Variants in STARD13 observed in about 807,000 individuals in gnomAD.
The protein encoded by STARD13 is StAR related lipid transfer domain containing 13.
STARD13 carries 62 observed loss-of-function variants against 106.4 expected under a neutral mutation model. That is an observed-to-expected ratio of 0.58 (90% CI 0.48 to 0.72). STARD13 has a LOEUF of 0.72. Among genes scored for constraint, STARD13 ranks in the 30% least tolerant of loss-of-function variants. The pLI is 0.00. For synonymous variants in STARD13, 565 were observed against 553.0 expected (o/e 1.02, Z -0.31); for missense variants, 1,387 against 1,424.0 (o/e 0.97, Z 0.42).
At chr13:33,403,831 CA>C in the STARD13 span, among the ~76,000 whole-genome samples, 1 of 152,146 alleles carries the variant, frequency 6.6e-6, no homozygotes, top group Admixed American at 6.6e-5. Context: ...TCCACAATGG[CA>C]ATCAAAATAC....
At chr13:33,482,051 A>T in the STARD13 span, among the ~76,000 whole-genome samples, 9 of 152,160 alleles carry the variant, frequency 5.9e-5, no homozygotes, top group African/African-American at 1.9e-4. Flanking sequence ...GATACTAAAA[A>T]TTATTGATAA....
chr13:33,603,720 C>T, the STARD13 span, among the ~76,000 whole-genome samples: 1 of 151,884 alleles, frequency 6.6e-6, no homozygotes, highest in Non-Finnish European at 1.5e-5. Flanking sequence ...GAAGTAAACA[C>T]ATTTTTGAAA....
the STARD13 span, among the ~76,000 whole-genome samples, chr13:33,440,656 C>T: frequency 1.3e-5 from 2 of 151,412 alleles, no homozygotes; most frequent in Admixed American, 1.3e-4. Flanking sequence ...TCCCTTCTCA[C>T]TTTGCACCTT....
chr13:33,450,091 AT>A, the STARD13 span, among the ~76,000 whole-genome samples: 2 of 152,106 alleles, frequency 1.3e-5, no homozygotes, highest in Non-Finnish European at 2.9e-5. Context: ...CTTCTACCTG[AT>A]TACTCTAGCT....
At chr13:33,124,363 A>G (rs1231687789) in intron 7 of STARD13, among the ~76,000 whole-genome samples, 1 of 152,240 alleles carries the variant, frequency 6.6e-6, no homozygotes, top group Non-Finnish European at 1.5e-5. Flanking sequence ...GGATTCTCCC[A>G]TGTGACTGAC....
At chr13:33,368,928 T>C in the STARD13 span, among the ~76,000 whole-genome samples, 1 of 152,070 alleles carries the variant, frequency 6.6e-6, no homozygotes, top group Non-Finnish European at 1.5e-5. Context: ...TATCCCCTAC[T>C]GGCATCTCTG....
At chr13:33,595,118 A>G in the STARD13 span, among the ~76,000 whole-genome samples, 1 of 152,240 alleles carries the variant, frequency 6.6e-6, no homozygotes, top group East Asian at 1.9e-4. Context: ...GACATTGAAC[A>G]AAAACATTTT....
intron 1 of STARD13, among the ~76,000 whole-genome samples, chr13:33,250,802 C>T (rs1890060240): frequency 6.6e-6 from 1 of 152,214 alleles, no homozygotes; most frequent in Admixed American, 6.5e-5. Flanking sequence ...CTTGCCCCTC[C>T]TCCCATGTTC....
chr13:33,392,194 T>C, the STARD13 span, among the ~76,000 whole-genome samples: 7 of 152,130 alleles, frequency 4.6e-5, no homozygotes, highest in Non-Finnish European at 1.0e-4. Context: ...CTCCACCTTG[T>C]TTTTCTTGCA....
intron 4 of STARD13, among the ~76,000 whole-genome samples, chr13:33,135,512 C>T (rs1878940957): frequency 6.6e-6 from 1 of 152,128 alleles, no homozygotes; most frequent in African/African-American, 2.4e-5. Context: ...GTACAGAATC[C>T]ACTGTTTCAC....
the STARD13 span, among the ~76,000 whole-genome samples, chr13:33,360,776 T>A: frequency 1.0e-5 from 1 of 99,778 alleles, no homozygotes; most frequent in African/African-American, 3.8e-5. Context: ...TGGGTCCACT[T>A]ATATGTGGAT....
the STARD13 span, among the ~76,000 whole-genome samples, chr13:33,585,093 A>AG: frequency 6.6e-6 from 1 of 152,238 alleles, no homozygotes; most frequent in Non-Finnish European, 1.5e-5. Context: ...ACTAATACAG[A>AG]GGGCTACTAT....
the STARD13 span, among the ~76,000 whole-genome samples, chr13:33,463,375 G>C: frequency 6.6e-6 from 1 of 152,152 alleles, no homozygotes; most frequent in East Asian, 1.9e-4. Context: ...TCTAGAAAAA[G>C]GTGATAACTT....
At chr13:33,403,164 C>G in the STARD13 span, among the ~76,000 whole-genome samples, 1 of 152,216 alleles carries the variant, frequency 6.6e-6, no homozygotes, top group Non-Finnish European at 1.5e-5. Context: ...CTGTACCTGC[C>G]CATCTGCGTG....
chr13:33,369,274 G>A, the STARD13 span, among the ~76,000 whole-genome samples: 20 of 151,744 alleles, frequency 1.3e-4, no homozygotes, highest in Non-Finnish European at 1.9e-4. Context: ...CTGTTGTTTC[G>A]TTTTTCTGCT....
the STARD13 span, among the ~76,000 whole-genome samples, chr13:33,665,564 C>T: frequency 6.6e-6 from 1 of 152,138 alleles, no homozygotes; most frequent in East Asian, 1.9e-4. Flanking sequence ...TTGCTTTGTG[C>T]TGGTTAATTT....
At chr13:33,317,898 A>C (rs1893402011) in intron 1 of STARD13, among the ~76,000 whole-genome samples, 2 of 152,170 alleles carry the variant, frequency 1.3e-5, no homozygotes, top group African/African-American at 4.8e-5. Flanking sequence ...AATTTTGTCA[A>C]ATATTTTTAT....
At position 33,223,614 on chromosome 13, in the gene STARD13, G is replaced by C. The variant is rs867581291; in HGVS notation, c.170-55992C>G. Among the ~76,000 whole-genome samples the C allele has an allele frequency of 1.5e-3, 231 of 152,080 alleles. 1 individual carries two copies. Among genetic ancestry groups the C allele is most frequent in the African/African-American group, 5.0e-3 (209 of 41,494 alleles). The stretch of plus-strand genomic sequence containing the variant: ...GTGGAGGTTGCAGTGAGCTGAGATT[G>C]TGCCACTGCAGTCCAGCCTGGGCAA... On this transcript the variant is annotated intron_variant, in intron 1 of 13. Transcript: ENST00000336934.
At chr13:33,646,231 C>A in the STARD13 span, among the ~76,000 whole-genome samples, 1 of 152,244 alleles carries the variant, frequency 6.6e-6, no homozygotes, top group African/African-American at 2.4e-5. Context: ...CCTCACCCAA[C>A]TCATTTTCCT....
Sources: gnomAD v4.1 joint callset for allele counts (sites outside exome capture counted in the v4.1 genomes callset) on GRCh38, gnomAD v4.1.1 for gene constraint, MANE v1.5 for transcripts, NCBI Gene and HGNC (gene_info 2026-07-23, HGNC 2026-07-21) for gene names.